The following MYO16 variants were observed in gnomAD, a reference collection of about 807,000 sequenced individuals.
MYO16 encodes the protein myosin XVI.
MYO16 carries 94 observed loss-of-function variants against 205.3 expected under a neutral mutation model. The ratio of observed to expected loss-of-function variants is 0.46; its 90% CI spans 0.39 to 0.54. The LOEUF is 0.54. Ranked by LOEUF, MYO16 falls within the 20% of genes least tolerant of loss-of-function variation. The probability of loss-of-function intolerance (pLI) is 0.00; values close to 1 mark genes in which losing one functional copy is unlikely to be tolerated. For missense variants in MYO16, 2,315 were observed against 2,387.5 expected (o/e 0.97, Z 0.63); for synonymous variants, 988 against 954.0 (o/e 1.04, Z -0.66).
intron 1 of MYO16, among the ~76,000 whole-genome samples, chr13:108,655,792 G>T (rs955386793): frequency 3.3e-5 from 5 of 152,156 alleles, no homozygotes; most frequent in African/African-American, 1.2e-4. Flanking sequence ...AGATCATTTT[G>T]GAGCTTTAAA....
chr13:108,742,283 C>G (rs1419881729), intron 4 of MYO16, among the ~76,000 whole-genome samples: 1 of 152,064 alleles, frequency 6.6e-6, no homozygotes, highest in Non-Finnish European at 1.5e-5. Flanking sequence ...TGTTTGCCAC[C>G]ACACCCGGCC....
At chr13:109,130,441 C>T (rs1021414759) in intron 31 of MYO16, among the ~76,000 whole-genome samples, 2 of 152,230 alleles carry the variant, frequency 1.3e-5, no homozygotes, top group African/African-American at 2.4e-5. Context: ...TCTTTGATCT[C>T]CTGCAACTAG....
chr13:108,943,576 C>T (rs1882818510), intron 16 of MYO16, among the ~76,000 whole-genome samples: 1 of 152,026 alleles, frequency 6.6e-6, no homozygotes, highest in Non-Finnish European at 1.5e-5. Flanking sequence ...TCCTGCCTCC[C>T]AAGTCGCTGG....
chr13:108,728,858 C>T (rs181765198), intron 4 of MYO16, among the ~76,000 whole-genome samples: 1 of 152,182 alleles, frequency 6.6e-6, no homozygotes, highest in Non-Finnish European at 1.5e-5. Flanking sequence ...CCTCTTCCCC[C>T]CCTCTTAAAA....
intron 9 of MYO16, among the ~76,000 whole-genome samples, chr13:108,840,687 A>G (rs1233780638): frequency 1.3e-5 from 2 of 152,026 alleles, no homozygotes; most frequent in Non-Finnish European, 2.9e-5. Context: ...ACAGGCATGC[A>G]CCACCACAGC....
intron 20 of MYO16, among the ~76,000 whole-genome samples, chr13:108,968,139 C>G (rs1883867065): frequency 6.6e-6 from 1 of 152,222 alleles, no homozygotes; most frequent in South Asian, 2.1e-4. Context: ...GAGCGTCAGC[C>G]TCTCACGGCA....
At chr13:108,698,388 T>G (rs1431355601) in intron 2 of MYO16, among the ~76,000 whole-genome samples, 1 of 152,244 alleles carries the variant, frequency 6.6e-6, no homozygotes, top group Non-Finnish European at 1.5e-5. Flanking sequence ...CAATTTGAAA[T>G]GTATCCTTTG....
intron 16 of MYO16, among the ~76,000 whole-genome samples, chr13:108,924,779 T>C (rs1222765712): frequency 1.3e-5 from 2 of 152,022 alleles, no homozygotes; most frequent in African/African-American, 2.4e-5. Context: ...TGACGTCACG[T>C]CTTCTGCTAT....
chr13:108,624,429 A>C (rs1157157355), intron 1 of MYO16, among the ~76,000 whole-genome samples: 1 of 152,192 alleles, frequency 6.6e-6, no homozygotes, highest in East Asian at 1.9e-4. Flanking sequence ...GCTCATATTC[A>C]TCCATATCAC....
At chr13:109,077,770 C>G (rs1197885062) in intron 27 of MYO16, among the ~76,000 whole-genome samples, 1 of 152,006 alleles carries the variant, frequency 6.6e-6, no homozygotes, top group African/African-American at 2.4e-5. Context: ...GGTGTAGTTC[C>G]TTCATGCTTC....
intron 21 of MYO16, among the ~76,000 whole-genome samples, chr13:108,996,610 C>G (rs1435285099): frequency 1.3e-5 from 2 of 152,066 alleles, no homozygotes; most frequent in South Asian, 2.1e-4. Flanking sequence ...ATGAGTCCAC[C>G]TTTGAGGACA....
chr13:109,022,950 C>T (rs1053835184), intron 23 of MYO16, among the ~76,000 whole-genome samples: 3 of 131,062 alleles, frequency 2.3e-5, no homozygotes, highest in Non-Finnish European at 1.5e-5. Context: ...TATATGTATA[C>T]ATTTATATAT....
chr13:108,762,809 G>T (rs1274758390), intron 4 of MYO16, among the ~76,000 whole-genome samples: 16 of 152,148 alleles, frequency 1.1e-4, no homozygotes, highest in Admixed American at 1.0e-3. Context: ...ATGTTTAGGG[G>T]CTAGGTTTGG....
intron 34 of MYO16, among the ~76,000 whole-genome samples, chr13:109,190,324 T>C (rs1040607416): frequency 2.6e-5 from 4 of 152,218 alleles, no homozygotes; most frequent in Non-Finnish European, 5.9e-5. Context: ...TGTTCCACAC[T>C]TTTTGCAACA....
intron 1 of MYO16, among the ~76,000 whole-genome samples, chr13:108,612,559 A>ACAAGACATG (rs1228182595): frequency 6.6e-6 from 1 of 152,180 alleles, no homozygotes; most frequent in African/African-American, 2.4e-5. Flanking sequence ...AAAATGTCAA[A>ACAAGACATG]CAAGACATGG....
At chr13:108,562,197 C>T in the MYO16 span, among the ~76,000 whole-genome samples, 53,214 of 151,914 alleles carry the variant, frequency 0.35, 10,636 homozygotes, top group Non-Finnish European at 0.44. Context: ...AGCCAACCAC[C>T]TCCTCAATGT....
chr13:108,585,136 A>G, the MYO16 span, among the ~76,000 whole-genome samples: 2 of 152,110 alleles, frequency 1.3e-5, no homozygotes, highest in African/African-American at 4.8e-5. Context: ...ATTTTCAGAG[A>G]TTTATTCTGA....
chr13:108,876,994 G>A (rs1030779989), intron 12 of MYO16, among the ~76,000 whole-genome samples: 1 of 152,094 alleles, frequency 6.6e-6, no homozygotes, highest in African/African-American at 2.4e-5. Context: ...CAAAAAAGCT[G>A]TTGATCAGCC....
chr13:108,644,375 TC>T (rs1880649080), intron 1 of MYO16, among the ~76,000 whole-genome samples: 2 of 127,462 alleles, frequency 1.6e-5, no homozygotes, highest in Non-Finnish European at 3.6e-5. Flanking sequence ...TATCTATCTA[TC>T]TATCTATCTA....
Sources: gnomAD v4.1 joint callset for allele counts (sites outside exome capture counted in the v4.1 genomes callset) on GRCh38, gnomAD v4.1.1 for gene constraint, MANE v1.5 for transcripts, NCBI Gene and HGNC (gene_info 2026-07-23, HGNC 2026-07-21) for gene names.